ETS1: variants seen among roughly 807,000 people sequenced by gnomAD.
ETS1 encodes the protein protein C-ets-1.
ETS1 carries 15 observed loss-of-function variants against 58.6 expected under a neutral mutation model. The observed-to-expected ratio is 0.26, with a 90% CI of 0.17 to 0.39. ETS1 has a LOEUF of 0.39. ETS1 is among the 10% of genes least tolerant of loss of function. The pLI is 1.00. For synonymous variants in ETS1, 214 were observed against 218.2 expected (o/e 0.98, Z 0.17); for missense variants, 417 against 610.5 (o/e 0.68, Z 3.34).
intron 1 of ETS1, among the ~76,000 whole-genome samples, chr11:128,581,867 G>C (rs183690624): frequency 2.0e-5 from 3 of 152,268 alleles, no homozygotes; most frequent in Admixed American, 6.5e-5. Flanking sequence ...AATAGAAAGA[G>C]ATATTACAAG....
Position 128,567,036 on chromosome 11 carries a change from C to T in ETS1, c.69+6026G>A, listed in dbSNP as rs546559605. ...AATCAACCAGTCGATCAATCAATTA[C>T]GGAAGGAAGAAAGAAAATGTACAAA... On this transcript the variant is annotated intron_variant, in intron 2 of 9. Coordinates refer to ENST00000392668, the MANE Select transcript of ETS1 (RefSeq NM_001143820.2). 9.9e-5 allele frequency among the ~76,000 whole-genome samples: 15 copies of T among 152,238 alleles called. No individual in the cohort carries two copies. The East Asian group carries it at 1.5e-3, about 16-fold the overall frequency.
At chr11:128,495,534 T>A (rs925312325) in intron 3 of ETS1, among the ~76,000 whole-genome samples, 1 of 152,238 alleles carries the variant, frequency 6.6e-6, no homozygotes, top group African/African-American at 2.4e-5. Flanking sequence ...CCTGGCTTCC[T>A]TCTCTGTCCA....
At chr11:128,537,072 C>G (rs548968192) in intron 3 of ETS1, among the ~76,000 whole-genome samples, 1 of 152,242 alleles carries the variant, frequency 6.6e-6, no homozygotes, top group African/African-American at 2.4e-5. Flanking sequence ...CAGAGACTCT[C>G]TCCAATGTTT....
At chr11:128,470,279 G>A (rs1471474495) in intron 8 of ETS1, among the ~76,000 whole-genome samples, 3 of 152,174 alleles carry the variant, frequency 2.0e-5, no homozygotes, top group Non-Finnish European at 4.4e-5. Context: ...TACATGTCAG[G>A]CAGTGGAGTA....
chr11:128,568,413 G>A (rs190660214), intron 2 of ETS1, among the ~76,000 whole-genome samples: 50 of 152,304 alleles, frequency 3.3e-4, no homozygotes, highest in Non-Finnish European at 4.6e-4. Flanking sequence ...GGCTCACAGC[G>A]GGCTTGGGCT....
intron 3 of ETS1, among the ~76,000 whole-genome samples, chr11:128,540,077 C>G (rs1163767812): frequency 1.3e-5 from 2 of 152,058 alleles, no homozygotes; most frequent in African/African-American, 4.8e-5. Flanking sequence ...TTTGGGAGGC[C>G]AAGGCGGGCG....
At position 128,463,426 on chromosome 11, in the gene ETS1, G is replaced by A. The variant is rs544284867; in HGVS notation, c.1242+83C>T. 72 of 807,224 alleles carry A rather than the reference G, an allele frequency of 8.9e-5. No individual in the cohort carries two copies. Among genetic ancestry groups the A allele is most frequent in the East Asian group, 8.8e-4 (35 of 39,930 alleles). The allele number at this position is 807,224 out of a possible 1,614,324, so 50.0% of individuals were successfully genotyped here. The stretch of plus-strand genomic sequence containing the variant: ...GCTGGGAATCCCAATCCTGGAACAC[G>A]TCATTCAGGCCCACGCCACCCCTTC... On this transcript the variant is annotated intron_variant, in intron 9 of 9. Transcript: ENST00000392668. This position sits in a 1 kb window ranked among gnomAD's most constrained non-coding sequence, Gnocchi z 4.1.
At chr11:128,581,670 A>G (rs2135595135) in intron 1 of ETS1, among the ~76,000 whole-genome samples, 1 of 152,356 alleles carries the variant, frequency 6.6e-6, no homozygotes, top group Non-Finnish European at 1.5e-5. Context: ...AAATGCAAAG[A>G]AGGGCCACGA....
intron 3 of ETS1, among the ~76,000 whole-genome samples, chr11:128,538,854 G>T (rs1295290053): frequency 6.6e-6 from 1 of 152,036 alleles, no homozygotes; most frequent in Admixed American, 6.6e-5. Context: ...CAGTATTGAG[G>T]AACCACTTAA....
intron 2 of ETS1, among the ~76,000 whole-genome samples, chr11:128,569,945 C>T (rs1226209311): frequency 2.6e-5 from 4 of 152,148 alleles, no homozygotes; most frequent in Non-Finnish European, 5.9e-5. Flanking sequence ...TCAGATAAGG[C>T]TGTCATGGGT....
intron 2 of ETS1, among the ~76,000 whole-genome samples, chr11:128,569,337 T>TTTTTTTTTTTTTTTTTTTTG (rs1864578351): frequency 7.3e-6 from 1 of 136,380 alleles, no homozygotes; most frequent in Non-Finnish European, 1.6e-5. Context: ...TTTTTTTTTT[T>TTTTTTTTTTTTTTTTTTTTG]TTTTTGGTGT....
In ETS1 at chr11:128,529,858, C is replaced by G. The variant is rs185708058; in HGVS notation, c.214+26433G>C. 9.5e-4 allele frequency among the ~76,000 whole-genome samples: 145 copies of G among 152,266 alleles called. 1 individual carries two copies. In the Middle Eastern group the frequency reaches 0.014, roughly 14 times the overall value. ...CATAATGAATTAATATGAATCCTAGCTTCACCAATGCTAACTCTACCAACA... is the reference window on the plus strand; with the variant it reads ...CATAATGAATTAATATGAATCCTAGGTTCACCAATGCTAACTCTACCAACA... On this transcript the variant is annotated intron_variant, in intron 3 of 9. Transcript: ENST00000392668.
In ETS1 at chr11:128,463,412, C is replaced by G; in HGVS notation, c.1242+97G>C. ...TGGCAAGTGGCAGAGCTGGGAATCC[C>G]AATCCTGGAACACGTCATTCAGGCC... On this transcript the variant is annotated intron_variant, in intron 9 of 9. Coordinates refer to ENST00000392668, the MANE Select transcript of ETS1 (RefSeq NM_001143820.2). This position sits in a 1 kb window ranked among gnomAD's most constrained non-coding sequence, Gnocchi z 4.1. The G allele has an allele frequency of 1.3e-6, 1 of 747,080 alleles. No individual in the cohort carries two copies. The highest frequency in any genetic ancestry group is 1.6e-5 in the South Asian group (1 of 62,318). The allele number at this position is 747,080 out of a possible 1,614,324, so 46.3% of individuals were successfully genotyped here.
intron 3 of ETS1, among the ~76,000 whole-genome samples, chr11:128,502,125 C>A (rs908204532): frequency 6.6e-6 from 1 of 152,210 alleles, no homozygotes; most frequent in Non-Finnish European, 1.5e-5. Flanking sequence ...ATATCTGCCA[C>A]TGTTAGTCCC....
intron 8 of ETS1, among the ~76,000 whole-genome samples, chr11:128,465,793 C>A (rs563123529): frequency 6.6e-6 from 1 of 152,236 alleles, no homozygotes; most frequent in South Asian, 2.1e-4. Context: ...GCTCTACACT[C>A]GTTTCCTTCA....
intron 7 of ETS1, 110 bp downstream of exon 7, chr11:128,484,713 G>C: frequency 2.1e-6 from 2 of 937,690 alleles, no homozygotes; most frequent in Middle Eastern, 2.2e-4. Context: ...TGAAACTGAG[G>C]AATCTACAGG....
At position 128,521,987 on chromosome 11, in the gene ETS1, G is replaced by C. The variant is rs566415898; in HGVS notation, c.215-31411C>G. ...GAGAGTCGGCTTGAGATCGACGGCC[G>C]CCTTCATGGTGCCAGGAGTGGGGGA... On this transcript the variant is annotated intron_variant, in intron 3 of 9. Coordinates refer to ENST00000392668, the MANE Select transcript of ETS1 (RefSeq NM_001143820.2). 6 of 1,595,544 alleles carry C rather than the reference G, an allele frequency of 3.8e-6. No homozygotes were observed. The African/African-American group carries it at 5.4e-5, about 14-fold the overall frequency.
intron 2 of ETS1, among the ~76,000 whole-genome samples, chr11:128,561,854 A>G (rs1281018572): frequency 6.6e-6 from 1 of 152,222 alleles, no homozygotes; most frequent in Non-Finnish European, 1.5e-5. Flanking sequence ...GGCAGGAAAG[A>G]GTCAAGCTAG....
intron 3 of ETS1, among the ~76,000 whole-genome samples, chr11:128,540,720 C>G (rs1864044553): frequency 6.6e-6 from 1 of 152,224 alleles, no homozygotes; most frequent in Non-Finnish European, 1.5e-5. Context: ...AAAATATTAT[C>G]TCCTGGCTTT....
Sources: allele counts gnomAD v4.1 joint callset (sites outside exome capture counted in the v4.1 genomes callset), GRCh38; gene constraint gnomAD v4.1.1; non-coding constraint Gnocchi (gnomAD v3.1); transcripts MANE v1.5; gene names NCBI Gene and HGNC (gene_info 2026-07-23, HGNC 2026-07-21).